The following CEP41 variants were observed in gnomAD, a reference collection of about 807,000 sequenced individuals.
The protein encoded by CEP41 is centrosomal protein 41.
In CEP41, 32 loss-of-function variants were observed where a neutral mutation model predicts 44.3. The observed-to-expected ratio is 0.72, with a 90% confidence interval of 0.54 to 0.97. The LOEUF is 0.97. Among genes scored for constraint, CEP41 ranks in the 50% least tolerant of loss-of-function variants. CEP41 has a pLI of 0.00. For missense variants in CEP41, 432 were observed against 455.2 expected, an observed-to-expected ratio of 0.95 and a Z score of 0.46; for synonymous variants, 151 against 168.5, an observed-to-expected ratio of 0.90 and a Z score of 0.80.
At chr7:130,440,776 A>G (rs7801363) in intron 1 of CEP41, 158 bp downstream of exon 1, 4 of 567,004 alleles carry the variant, frequency 7.1e-6, no homozygotes, top group Admixed American at 6.9e-5. Flanking sequence ...GCGGCCCCCA[A>G]GCCCGGCCCG....
chr7:130,417,408 C>T lies in CEP41; in HGVS notation c.98-442G>A, dbSNP rs957911463. Reference sequence around the variant, plus strand: ...TTTGTGGTTACCCAAGCAACTCTCTCCTCTCGGCTTTGTCTTCACAGTTTC... The same window carrying T: ...TTTGTGGTTACCCAAGCAACTCTCTTCTCTCGGCTTTGTCTTCACAGTTTC... On this transcript the variant is annotated intron_variant, in intron 2 of 10. Coordinates refer to ENST00000223208, the MANE Select transcript of CEP41 (RefSeq NM_018718.3). 14 of 991,352 alleles carry T rather than the reference C, an allele frequency of 1.4e-5. No individual in the cohort carries two copies. In the African/African-American group the frequency reaches 2.4e-4, roughly 17 times the overall value. The allele number at this position is 991,352 out of a possible 1,614,324, so 61.4% of individuals were successfully genotyped here. A position where few individuals can be genotyped will look rare whatever the true frequency, so the allele number is the denominator to read the frequency against.
intron 1 of CEP41, among the ~76,000 whole-genome samples, chr7:130,428,679 C>T (rs1362546045): frequency 2.6e-5 from 4 of 151,022 alleles, no homozygotes; most frequent in Admixed American, 6.6e-5. Context: ...TTTGGGAGGC[C>T]GAGGCAGGTG....
At chr7:130,402,122 C>T (rs1554417067) in intron 7 of CEP41, among the ~76,000 whole-genome samples, 174 bp from the exon 8 acceptor site, 1 of 152,026 alleles carries the variant, frequency 6.6e-6, no homozygotes, top group Non-Finnish European at 1.5e-5. Context: ...GGTGGGTGGA[C>T]CGCTTGAGTC....
intron 4 of CEP41, 44 bp downstream of exon 4, chr7:130,412,134 CA>C (rs1554419870): frequency 1.9e-6 from 2 of 1,055,306 alleles, no homozygotes; most frequent in African/African-American, 3.1e-5. Context: ...TAAAGTGGCA[CA>C]AATTAGACAG....
chr7:130,404,033 ATG>A (rs1796932665), intron 6 of CEP41, among the ~76,000 whole-genome samples: 2 of 152,364 alleles, frequency 1.3e-5, no homozygotes, highest in South Asian at 4.1e-4. Flanking sequence ...ACTAAAGTCC[ATG>A]TAATCCTTGG....
intron 2 of CEP41, chr7:130,417,185 T>C: frequency 7.4e-7 from 1 of 1,357,328 alleles, no homozygotes; most frequent in Non-Finnish European, 9.5e-7. Flanking sequence ...AGAATGTGTT[T>C]AAGCTGGGAT....
chr7:130,414,821 C>T (rs1797285650), intron 3 of CEP41, among the ~76,000 whole-genome samples: 1 of 152,232 alleles, frequency 6.6e-6, no homozygotes, highest in Non-Finnish European at 1.5e-5. Flanking sequence ...AGTCTGTCCT[C>T]GCAAGAGCGA....
intron 2 of CEP41, among the ~76,000 whole-genome samples, chr7:130,427,592 AT>A (rs1462389049): frequency 6.6e-6 from 1 of 152,230 alleles, no homozygotes; most frequent in Non-Finnish European, 1.5e-5. Context: ...CATGTGTCTA[AT>A]CCGTTACTGC....
At chr7:130,400,569 C>A (rs923758589) in intron 9 of CEP41, 138 bp downstream of exon 9, 1 of 718,132 alleles carries the variant, frequency 1.4e-6, no homozygotes, top group African/African-American at 1.8e-5. Flanking sequence ...TCACATAACT[C>A]CTGACTCCTT....
rs782610112 is a variant in CEP41, at chr7:130,400,063, C to CCT, written c.947_948dup (p.Glu317ArgfsTer12). ...CTAGGATGATCTGCAGGCCCTTGCT[C>CCT]CTCTTCCAGATAATATTCTATCTTT... On this transcript the variant is annotated frameshift_variant, in exon 10 of 11. Transcript: ENST00000223208. LOFTEE classifies it low-confidence loss of function (END_TRUNC). 13 of 1,610,784 alleles carry CCT rather than the reference C, an allele frequency of 8.1e-6. No individual in the cohort carries two copies. In the African/African-American group the frequency reaches 1.1e-4, roughly 13 times the overall value.
intron 1 of CEP41, among the ~76,000 whole-genome samples, chr7:130,429,290 C>A (rs890068884): frequency 1.3e-5 from 2 of 152,150 alleles, no homozygotes; most frequent in Non-Finnish European, 2.9e-5. Flanking sequence ...AGCTGAGGCT[C>A]ACCTGGGGCT....
In CEP41 at chr7:130,394,807, C is replaced by T. The variant is rs2117524243; in HGVS notation, c.*4084G>A. Reference sequence around the variant, plus strand: ...CCACTGTCACAGGGTTGGTGATTTTCACTCTCTGGGAGCTTATAGTCAAAA... The same window carrying T: ...CCACTGTCACAGGGTTGGTGATTTTTACTCTCTGGGAGCTTATAGTCAAAA... On this transcript the variant is annotated 3_prime_UTR_variant, in exon 11 of 11. Coordinates refer to ENST00000223208, the MANE Select transcript of CEP41 (RefSeq NM_018718.3). 3 of 454,120 alleles carry T rather than the reference C, an allele frequency of 6.6e-6. No homozygotes were observed. 28.1% of individuals were successfully genotyped at this position (454,120 alleles called of 1,614,324 possible).
At position 130,397,125 on chromosome 7, in the gene CEP41, A is replaced by G. The variant is rs1211217706; in HGVS notation, c.*1766T>C. On this transcript the variant is annotated 3_prime_UTR_variant, in exon 11 of 11. Transcript: ENST00000223208. Reference sequence around the variant, plus strand: ...AGTGTGGAAAAATGTGCATTTTTCTATCTATGCTGTAAAGAAAATACAAAG... The same window carrying G: ...AGTGTGGAAAAATGTGCATTTTTCTGTCTATGCTGTAAAGAAAATACAAAG... 2.2e-6 allele frequency: 1 copy of G among 454,416 alleles called. No homozygotes were observed. The highest frequency in any genetic ancestry group is 4.4e-6 in the Non-Finnish European group (1 of 226,780). 28.1% of individuals were successfully genotyped at this position (454,416 alleles called of 1,614,324 possible).
chr7:130,434,575 T>C (rs1554425786), intron 1 of CEP41, among the ~76,000 whole-genome samples: 1 of 152,142 alleles, frequency 6.6e-6, no homozygotes. Flanking sequence ...AACTGATAGG[T>C]AAAATGTGCT....
intron 2 of CEP41, among the ~76,000 whole-genome samples, chr7:130,417,759 CTCTT>C (rs1198766321): frequency 2.6e-5 from 4 of 152,230 alleles, no homozygotes; most frequent in Non-Finnish European, 5.9e-5. Context: ...ACGCAGGAAG[CTCTT>C]TCTGTCACCT....
intron 5 of CEP41, among the ~76,000 whole-genome samples, chr7:130,407,297 C>T (rs1214229229): frequency 2.2e-5 from 3 of 135,554 alleles, no homozygotes; most frequent in Admixed American, 7.4e-5. Context: ...CACACACACA[C>T]TCAGATCCTT....
rs1797433894 is a variant in CEP41, at chr7:130,419,450, A to C, written c.98-2484T>G. The C allele has an allele frequency of 6.1e-6, 6 of 985,198 alleles. No homozygotes were observed. In the African/African-American group the frequency reaches 8.7e-5, roughly 14 times the overall value. 61.0% of individuals were successfully genotyped at this position (985,198 alleles called of 1,614,324 possible). A position where few individuals can be genotyped will look rare whatever the true frequency, so the allele number is the denominator to read the frequency against. Reference sequence around the variant, plus strand: ...AGCCTATCTTACTGTATCTAATTGCATCTGAAGATAGTTTCTGACTACCTT... The same window carrying C: ...AGCCTATCTTACTGTATCTAATTGCCTCTGAAGATAGTTTCTGACTACCTT... On this transcript the variant is annotated intron_variant, in intron 2 of 10. Coordinates refer to ENST00000223208, the MANE Select transcript of CEP41 (RefSeq NM_018718.3).
At chr7:130,416,615 T>C (rs1439841439) in intron 3 of CEP41, among the ~76,000 whole-genome samples, 1 of 152,214 alleles carries the variant, frequency 6.6e-6, no homozygotes, top group African/African-American at 2.4e-5. Context: ...GCATGAAGAC[T>C]GCAGTACAAT....
At chr7:130,404,455 C>T in intron 6 of CEP41, 109 bp downstream of exon 6, 1 of 850,676 alleles carries the variant, frequency 1.2e-6, no homozygotes, top group South Asian at 1.4e-5. Context: ...TGAGACTTTA[C>T]TCCTGCCAGT....
Sources: gnomAD v4.1 joint callset for allele counts (sites outside exome capture counted in the v4.1 genomes callset) on GRCh38, gnomAD v4.1.1 for gene constraint, MANE v1.5 for transcripts, NCBI Gene and HGNC (gene_info 2026-07-23, HGNC 2026-07-21) for gene names.